Variants in SNX6 observed in about 807,000 individuals in gnomAD.
SNX6 encodes sorting nexin-6.
A neutral mutation model predicts 63.0 loss-of-function variants in SNX6; 34 were observed. The observed-to-expected ratio is 0.54, with a 90% CI of 0.41 to 0.72. The LOEUF (loss-of-function observed/expected upper bound fraction) is 0.72, where lower values mean the gene tolerates loss of function less well. Among genes scored for constraint, SNX6 ranks in the 30% least tolerant of loss-of-function variants. The pLI is 0.00. For missense variants in SNX6, 398 were observed against 471.4 expected (o/e 0.84, Z 1.44); for synonymous variants, 170 against 164.2 (o/e 1.04, Z -0.27).
chr14:34,568,895 T>C, intron 11 of SNX6: 1 of 1,220,918 alleles, frequency 8.2e-7, no homozygotes, highest in Non-Finnish European at 1.2e-6. Context: ...CCCCCATAGA[T>C]CTTGGTCATG....
chr14:34,569,035 T>A (rs1881322239), intron 11 of SNX6: 1 of 1,432,964 alleles, frequency 7.0e-7, no homozygotes, highest in Middle Eastern at 2.4e-4. Context: ...GTCCACCCAT[T>A]CGGGGACTTT....
At chr14:34,615,512 G>C (rs1204301810) in intron 2 of SNX6, among the ~76,000 whole-genome samples, 1 of 151,764 alleles carries the variant, frequency 6.6e-6, no homozygotes, top group Middle Eastern at 3.5e-3. Context: ...GTAAGCCACC[G>C]CACCTGGCTA....
chr14:34,612,208 T>C (rs1883259042), intron 2 of SNX6, among the ~76,000 whole-genome samples: 1 of 152,180 alleles, frequency 6.6e-6, no homozygotes. Flanking sequence ...CCCAAAGTGC[T>C]GGGATTACAG....
intron 11 of SNX6, among the ~76,000 whole-genome samples, chr14:34,572,450 CT>C (rs201811670): frequency 0.011 from 1,692 of 152,218 alleles, 25 homozygotes; most frequent in Non-Finnish European, 0.013. Flanking sequence ...TATTTTAGCA[CT>C]GCCCATCCAA....
intron 2 of SNX6, among the ~76,000 whole-genome samples, chr14:34,616,973 T>C (rs146471544): frequency 6.8e-4 from 103 of 152,068 alleles, no homozygotes; most frequent in African/African-American, 2.4e-3. Context: ...TCCCAGCTAC[T>C]CAGGAGGCTG....
intron 3 of SNX6, 147 bp from the exon 4 acceptor site, chr14:34,608,287 C>T (rs1351653799): frequency 4.0e-6 from 2 of 495,538 alleles, no homozygotes; most frequent in African/African-American, 2.0e-5. Flanking sequence ...AAGCAATCCT[C>T]CCACCTCAGC....
chr14:34,609,345 G>A (rs913625839), intron 3 of SNX6, among the ~76,000 whole-genome samples: 4 of 151,670 alleles, frequency 2.6e-5, no homozygotes, highest in African/African-American at 9.7e-5. Context: ...GCCGGACATG[G>A]TGGTGGACGC....
chr14:34,613,202 C>T (rs982985841), intron 2 of SNX6, among the ~76,000 whole-genome samples: 5 of 152,206 alleles, frequency 3.3e-5, no homozygotes, highest in East Asian at 1.9e-4. Flanking sequence ...GGGAATTCTT[C>T]CCTAGAGCCT....
chr14:34,580,475 G>A (rs1881891765), intron 10 of SNX6, among the ~76,000 whole-genome samples: 1 of 150,630 alleles, frequency 6.6e-6, no homozygotes, highest in Admixed American at 6.6e-5. Context: ...CTAATTTTTG[G>A]TAACTTTTGT....
intron 8 of SNX6, among the ~76,000 whole-genome samples, chr14:34,591,705 ATTATTGCTTGAAGCTTGAC>A (rs1375738336): frequency 1.3e-5 from 2 of 152,198 alleles, no homozygotes; most frequent in Non-Finnish European, 2.9e-5. Context: ...CAAAATTCGA[ATTATTGCTTGAAGCTTGAC>A]TTATCATTGG....
intron 9 of SNX6, among the ~76,000 whole-genome samples, chr14:34,583,686 T>C (rs1264630208): frequency 6.6e-6 from 1 of 152,106 alleles, no homozygotes; most frequent in Non-Finnish European, 1.5e-5. Context: ...TAAAATGACA[T>C]CATAAATGAA....
chr14:34,604,055 GA>G (rs77834149), intron 5 of SNX6: 109,201 of 776,024 alleles, frequency 0.14, 54 homozygotes, highest in Middle Eastern at 0.2. Flanking sequence ...CAGTTTGGGG[GA>G]AAAAAAAAAA....
In SNX6 at chr14:34,569,466, T is replaced by C. The variant is rs553290453; in HGVS notation, c.922-1453A>G. Reference sequence around the variant, plus strand: ...GTTTTGAGATGGAGTCTCACTCTGTTGCTTAGGCTGGAGTGCGGTGGTGTG... The same window carrying C: ...GTTTTGAGATGGAGTCTCACTCTGTCGCTTAGGCTGGAGTGCGGTGGTGTG... On this transcript the variant is annotated intron_variant, in intron 11 of 13. Coordinates refer to ENST00000362031, the MANE Select transcript of SNX6 (RefSeq NM_152233.4). Among the ~76,000 whole-genome samples the C allele has an allele frequency of 2.6e-5, 4 of 152,162 alleles. No homozygotes were observed. In the South Asian group the frequency reaches 6.2e-4, roughly 24 times the overall value.
At position 34,629,500 on chromosome 14, in the gene SNX6, T is replaced by G. The variant is rs866282796; in HGVS notation, c.54+407A>C. ...GACAGAAGGGTGGGCGGGAGCAAGT[T>G]CGAGATGTCCACACCGGGTGAAAAT... On this transcript the variant is annotated intron_variant, in intron 2 of 13. Transcript: ENST00000362031. 5 of 488,010 alleles carry G rather than the reference T, an allele frequency of 1.0e-5. No individual in the cohort carries two copies. In the Middle Eastern group the frequency reaches 1.2e-3, roughly 121 times the overall value. The allele number at this position is 488,010 out of a possible 1,614,324, so 30.2% of individuals were successfully genotyped here.
intron 9 of SNX6, 92 bp from the exon 10 acceptor site, chr14:34,581,692 C>T (rs1881942413): frequency 2.9e-6 from 2 of 694,032 alleles, no homozygotes; most frequent in Admixed American, 4.4e-5. Context: ...ATATTAATAA[C>T]ACCTTGTCTC....
intron 2 of SNX6, among the ~76,000 whole-genome samples, chr14:34,621,204 C>T (rs1436180828): frequency 6.6e-6 from 1 of 152,132 alleles, no homozygotes; most frequent in African/African-American, 2.4e-5. Context: ...GCCTCAGCCT[C>T]TCAGAGTGCT....
At chr14:34,619,339 T>C (rs1253003526) in intron 2 of SNX6, among the ~76,000 whole-genome samples, 1 of 151,960 alleles carries the variant, frequency 6.6e-6, no homozygotes, top group African/African-American at 2.4e-5. Context: ...GAAGGATCAC[T>C]TGAACCCAGG....
At chr14:34,571,253 G>A (rs2076444898) in intron 11 of SNX6, among the ~76,000 whole-genome samples, 2 of 151,186 alleles carry the variant, frequency 1.3e-5, no homozygotes. Context: ...CTAAAACGGT[G>A]AAACCCCGTC....
intron 2 of SNX6, among the ~76,000 whole-genome samples, chr14:34,624,110 C>CTT (rs67945891): frequency 5.3e-5 from 8 of 151,114 alleles, no homozygotes; most frequent in East Asian, 2.0e-4. Context: ...CAATATTTTC[C>CTT]TTTTTTTTTG....
Sources: allele counts gnomAD v4.1 joint callset (sites outside exome capture counted in the v4.1 genomes callset), GRCh38; gene constraint gnomAD v4.1.1; transcripts MANE v1.5; gene names NCBI Gene and HGNC (gene_info 2026-07-23, HGNC 2026-07-21).